Variants in MSRB3 observed in about 807,000 individuals in gnomAD.
The protein encoded by MSRB3 is methionine sulfoxide reductase B3.
MSRB3 carries 13 observed loss-of-function variants against 21.0 expected under a neutral mutation model. That is an observed-to-expected ratio of 0.62 (90% CI 0.40 to 0.98). The LOEUF (loss-of-function observed/expected upper bound fraction) is 0.98. Among genes scored for constraint, MSRB3 ranks in the 50% least tolerant of loss-of-function variants. MSRB3 has a pLI of 0.00. For missense variants in MSRB3, 199 were observed against 230.3 expected, an observed-to-expected ratio of 0.86 and a Z score of 0.88; for synonymous variants, 87 against 88.6, an observed-to-expected ratio of 0.98 and a Z score of 0.10.
chr12:65,418,866 C>G, intron 5 of MSRB3: 1 of 765,464 alleles, frequency 1.3e-6, no homozygotes, highest in Non-Finnish European at 2.3e-6. Flanking sequence ...TGTCTTCTGG[C>G]AGGCAGTGAT....
intron 5 of MSRB3, among the ~76,000 whole-genome samples, chr12:65,441,489 A>C (rs1206501124): frequency 1.3e-5 from 2 of 152,012 alleles, no homozygotes; most frequent in Non-Finnish European, 1.5e-5. Context: ...AACCAAAGCT[A>C]CTATTGTCTT....
At chr12:65,432,904 G>A (rs1420036378) in intron 5 of MSRB3, among the ~76,000 whole-genome samples, 2 of 151,914 alleles carry the variant, frequency 1.3e-5, no homozygotes, top group Non-Finnish European at 2.9e-5. Context: ...AGGGATTTGT[G>A]AATTTGTCAG....
chr12:65,386,001 A>G (rs1049577883), intron 5 of MSRB3, among the ~76,000 whole-genome samples: 4 of 151,972 alleles, frequency 2.6e-5, no homozygotes, highest in African/African-American at 9.6e-5. Context: ...TGAGAACTTT[A>G]GTACACTTTT....
chr12:65,377,734 G>A, intron 5 of MSRB3, among the ~76,000 whole-genome samples: 1 of 152,162 alleles, frequency 6.6e-6, no homozygotes, highest in East Asian at 1.9e-4. Flanking sequence ...TTATAGTGTT[G>A]GGTTGCTGCT....
intron 5 of MSRB3, among the ~76,000 whole-genome samples, chr12:65,439,242 A>T (rs1882260006): frequency 6.6e-6 from 1 of 151,906 alleles, no homozygotes; most frequent in South Asian, 2.1e-4. Context: ...CAAAGCAATC[A>T]TAAACCTACA....
At chr12:65,428,158 A>G (rs914883659) in intron 5 of MSRB3, among the ~76,000 whole-genome samples, 1 of 152,128 alleles carries the variant, frequency 6.6e-6, no homozygotes, top group African/African-American at 2.4e-5. Context: ...GGCAAAAGAT[A>G]TTGTTGTCAT....
chr12:65,356,352 T>G (rs2136507746), intron 4 of MSRB3, among the ~76,000 whole-genome samples: 1 of 152,032 alleles, frequency 6.6e-6, no homozygotes, highest in East Asian at 1.9e-4. Flanking sequence ...TTCTGATGGA[T>G]TTTTCACTTG....
At chr12:65,307,443 C>G (rs1022521449) in intron 1 of MSRB3, among the ~76,000 whole-genome samples, 1 of 151,932 alleles carries the variant, frequency 6.6e-6, no homozygotes, top group Non-Finnish European at 1.5e-5. Context: ...CAGAAGAGTC[C>G]GGAACAGACT....
intron 1 of MSRB3, 137 bp from the exon 2 acceptor site, chr12:65,308,392 A>G: frequency 2.6e-6 from 3 of 1,166,614 alleles, no homozygotes; most frequent in Non-Finnish European, 3.7e-6. Context: ...GCTGAAAAAT[A>G]GGCGTTTGAA....
At chr12:65,395,087 GA>G (rs1019773330) in intron 5 of MSRB3, among the ~76,000 whole-genome samples, 9 of 151,796 alleles carry the variant, frequency 5.9e-5, no homozygotes, top group South Asian at 2.1e-4. Context: ...ACAGAAAATG[GA>G]AAAAAAATAA....
At chr12:65,401,217 G>A (rs1024616230) in intron 5 of MSRB3, among the ~76,000 whole-genome samples, 1 of 152,134 alleles carries the variant, frequency 6.6e-6, no homozygotes, top group African/African-American at 2.4e-5. Context: ...GGGTGTTAAT[G>A]TCTCCCACTA....
chr12:65,375,220 G>T (rs1878545113), intron 5 of MSRB3, among the ~76,000 whole-genome samples: 1 of 152,096 alleles, frequency 6.6e-6, no homozygotes, highest in African/African-American at 2.4e-5. Context: ...AAACTAACTT[G>T]ACCAGGAAAC....
intron 4 of MSRB3, among the ~76,000 whole-genome samples, chr12:65,364,453 A>G (rs1182014139): frequency 6.6e-6 from 1 of 152,170 alleles, no homozygotes; most frequent in Non-Finnish European, 1.5e-5. Context: ...TGAGTATATA[A>G]TTTGGGGTAA....
intron 2 of MSRB3, among the ~76,000 whole-genome samples, chr12:65,322,342 T>G (rs1216080423): frequency 6.6e-6 from 1 of 152,108 alleles, no homozygotes; most frequent in Non-Finnish European, 1.5e-5. Flanking sequence ...GAAGAAAAGT[T>G]GTTACATAAT....
chr12:65,418,051 G>A (rs1881072885), intron 5 of MSRB3, among the ~76,000 whole-genome samples: 1 of 152,112 alleles, frequency 6.6e-6, no homozygotes, highest in Admixed American at 6.6e-5. Flanking sequence ...TTATCATAAT[G>A]GCTGTGCTAA....
intron 2 of MSRB3, among the ~76,000 whole-genome samples, chr12:65,312,003 G>T (rs573668157): frequency 2.0e-5 from 3 of 151,740 alleles, no homozygotes; most frequent in African/African-American, 4.8e-5. Context: ...TTTTTCTCTC[G>T]CAGAATTTCT....
intron 5 of MSRB3, among the ~76,000 whole-genome samples, chr12:65,420,390 A>G (rs1304067409): frequency 6.9e-6 from 1 of 145,532 alleles, no homozygotes; most frequent in Non-Finnish European, 1.5e-5. Context: ...TTGTGGTTTC[A>G]TGCAAGTTTT....
intron 5 of MSRB3, among the ~76,000 whole-genome samples, chr12:65,432,513 C>T (rs767504784): frequency 2.4e-4 from 36 of 152,112 alleles, no homozygotes; most frequent in Non-Finnish European, 4.6e-4. Context: ...CCTTCTTTAT[C>T]TATATCCCCT....
intron 1 of MSRB3, 31 bp from the exon 2 acceptor site, chr12:65,308,498 G>T (rs1201016820): frequency 1.9e-6 from 3 of 1,610,866 alleles, no homozygotes; most frequent in South Asian, 1.1e-5. Context: ...GTTTTAATTT[G>T]ATTTTTGTTT....
Sources: allele counts gnomAD v4.1 joint callset (sites outside exome capture counted in the v4.1 genomes callset), GRCh38; gene constraint gnomAD v4.1.1; transcripts MANE v1.5; gene names NCBI Gene and HGNC (gene_info 2026-07-23, HGNC 2026-07-21).